The following FNIP1 variants were observed in gnomAD, a reference collection of about 807,000 sequenced individuals.
FNIP1 encodes the protein folliculin interacting protein 1.
FNIP1 carries 40 observed loss-of-function variants against 124.5 expected under a neutral mutation model. The observed-to-expected ratio is 0.32, with a 90% confidence interval of 0.25 to 0.42. The LOEUF is 0.42. Ranked by LOEUF, FNIP1 falls within the 10% of genes least tolerant of loss-of-function variation. The pLI is 1.00. For missense variants in FNIP1, 1,176 were observed against 1,403.7 expected (o/e 0.84, Z 2.59); for synonymous variants, 472 against 470.6 (o/e 1.00, Z -0.04).
At chr5:131,662,434 T>C (rs1767468273) in intron 15 of FNIP1, among the ~76,000 whole-genome samples, 2 of 152,228 alleles carry the variant, frequency 1.3e-5, no homozygotes, top group East Asian at 1.9e-4. Flanking sequence ...AATAATGACA[T>C]GGTTAGTCTT....
At chr5:131,735,552 ACATATACACATATTTATATAT>A (rs1770267844) in intron 2 of FNIP1, among the ~76,000 whole-genome samples, 1 of 148,164 alleles carries the variant, frequency 6.7e-6, no homozygotes, top group Admixed American at 6.8e-5. Flanking sequence ...ACATGTATAT[ACATATACACATATTTATATAT>A]GTATACATAT....
chr5:131,681,505 A>G (rs1768079305), intron 11 of FNIP1, among the ~76,000 whole-genome samples: 1 of 152,130 alleles, frequency 6.6e-6, no homozygotes, highest in African/African-American at 2.4e-5. Context: ...CACCCATATA[A>G]AATGACTCCA....
intron 11 of FNIP1, among the ~76,000 whole-genome samples, chr5:131,696,755 AAT>A (rs1420074927): frequency 1.3e-5 from 2 of 152,158 alleles, no homozygotes; most frequent in Non-Finnish European, 2.9e-5. Flanking sequence ...ACCAAAAAAT[AAT>A]ATAAGGTGAA....
At chr5:131,682,040 T>C (rs888718141) in intron 11 of FNIP1, among the ~76,000 whole-genome samples, 4 of 152,120 alleles carry the variant, frequency 2.6e-5, no homozygotes, top group Non-Finnish European at 4.4e-5. Flanking sequence ...AAGAATGGGG[T>C]GAGTAGGATA....
At chr5:131,759,933 T>C (rs947675845) in intron 1 of FNIP1, among the ~76,000 whole-genome samples, 8 of 152,254 alleles carry the variant, frequency 5.3e-5, no homozygotes, top group Admixed American at 3.3e-4. Flanking sequence ...TCATGTCCTT[T>C]GCAGCAACAT....
Position 131,672,841 on chromosome 5 carries a change from G to A in FNIP1, c.1603C>T (p.Leu535=). 2 of 1,611,454 alleles carry A rather than the reference G, an allele frequency of 1.2e-6. No individual in the cohort carries two copies. Among genetic ancestry groups the A allele is most frequent in the Non-Finnish European group, 1.7e-6 (2 of 1,179,076 alleles). Residue 535 remains leucine, a synonymous_variant, in exon 14 of 18, where the codon CTA becomes TTA. Transcript: ENST00000510461. ...ATAAAATAAGTAAGAAAATAAAGTA[G>A]CCTCTGGACCATGTCTTGTCGTTTG... is the stretch of plus-strand genomic sequence containing the variant. ...VGKRQDMVQR[L]LYFLTYFIRC...
At chr5:131,693,397 C>T (rs1053809282) in intron 11 of FNIP1, among the ~76,000 whole-genome samples, 6 of 121,852 alleles carry the variant, frequency 4.9e-5, no homozygotes, top group Non-Finnish European at 1.0e-4. Context: ...CAGAATAGAA[C>T]AGAACAGGGA....
At chr5:131,676,015 C>T (rs1767900638) in intron 13 of FNIP1, among the ~76,000 whole-genome samples, 1 of 151,584 alleles carries the variant, frequency 6.6e-6, no homozygotes, top group South Asian at 2.1e-4. Flanking sequence ...CCTGCCACCA[C>T]GCCCAGCTAA....
chr5:131,693,349 T>TAC (rs1407939735), intron 11 of FNIP1, among the ~76,000 whole-genome samples: 1 of 126,064 alleles, frequency 7.9e-6, no homozygotes, highest in Admixed American at 8.0e-5. Context: ...TATATATATA[T>TAC]ATATATATAT....
At chr5:131,664,373 C>T (rs1767530203) in intron 15 of FNIP1, among the ~76,000 whole-genome samples, 1 of 152,042 alleles carries the variant, frequency 6.6e-6, no homozygotes, top group South Asian at 2.1e-4. Context: ...ACTTGGCTTT[C>T]TCTTTAGAAC....
At chr5:131,749,394 T>TC (rs1244659995) in intron 1 of FNIP1, among the ~76,000 whole-genome samples, 2 of 144,504 alleles carry the variant, frequency 1.4e-5, no homozygotes, top group African/African-American at 2.5e-5. Flanking sequence ...CTTTTTATCT[T>TC]TTTTTTTTTT....
intron 1 of FNIP1, among the ~76,000 whole-genome samples, chr5:131,792,826 C>T (rs1286255721): frequency 1.3e-5 from 2 of 150,858 alleles, no homozygotes; most frequent in Non-Finnish European, 3.0e-5. Flanking sequence ...TCTGAAAAAA[C>T]ACATTATGCA....
rs140317490 is a variant in FNIP1 at position 131,743,863 on chromosome 5, G to T, written c.219+701C>A. Among the ~76,000 whole-genome samples the T allele has an allele frequency of 1.5e-3, 230 of 152,210 alleles. 10 individuals are homozygous for T. The South Asian group carries it at 0.047, about 31-fold the overall frequency. On this transcript the variant is annotated intron_variant, in intron 2 of 17. Transcript: ENST00000510461. ...ACCCAGTCTACAGTATTTTGTTATAGTAGCCTGAACTAGACAAACACAAAC... is the reference window on the plus strand; with the variant it reads ...ACCCAGTCTACAGTATTTTGTTATATTAGCCTGAACTAGACAAACACAAAC...
chr5:131,660,854 G>A (rs144538250), intron 15 of FNIP1, among the ~76,000 whole-genome samples: 1 of 152,300 alleles, frequency 6.6e-6, no homozygotes, highest in East Asian at 1.9e-4. Flanking sequence ...TAGTTCTCTT[G>A]GACTGGGGGC....
chr5:131,752,438 T>G (rs897165312), intron 1 of FNIP1, among the ~76,000 whole-genome samples: 1 of 151,932 alleles, frequency 6.6e-6, no homozygotes, highest in Non-Finnish European at 1.5e-5. Context: ...TATGCCACCT[T>G]AGGTTAGGCA....
At chr5:131,772,734 T>C (rs1022467733) in intron 1 of FNIP1, among the ~76,000 whole-genome samples, 20 of 152,112 alleles carry the variant, frequency 1.3e-4, no homozygotes, top group African/African-American at 4.8e-4. Flanking sequence ...AATCCTCTTC[T>C]CCCAGATATG....
At chr5:131,711,553 G>C (rs1769292359) in intron 6 of FNIP1, among the ~76,000 whole-genome samples, 1 of 152,164 alleles carries the variant, frequency 6.6e-6, no homozygotes, top group Non-Finnish European at 1.5e-5. Context: ...GAATGCAATG[G>C]CATAATCATA....
intron 3 of FNIP1, among the ~76,000 whole-genome samples, chr5:131,726,312 T>G (rs1268030123): frequency 3.9e-4 from 59 of 152,200 alleles, no homozygotes; most frequent in Non-Finnish European, 1.5e-5. Context: ...TGGCTGTGAA[T>G]CAGTCTGGTC....
intron 16 of FNIP1, among the ~76,000 whole-genome samples, chr5:131,649,211 T>G (rs2149502765): frequency 6.6e-6 from 1 of 152,302 alleles, no homozygotes; most frequent in Middle Eastern, 3.4e-3. Flanking sequence ...TATACAATGT[T>G]AAACTTTTTG....
Sources: allele counts gnomAD v4.1 joint callset (sites outside exome capture counted in the v4.1 genomes callset), GRCh38; gene constraint gnomAD v4.1.1; transcripts MANE v1.5; gene names NCBI Gene and HGNC (gene_info 2026-07-23, HGNC 2026-07-21).